The following ADGRL3 variants were observed in gnomAD, a reference collection of about 807,000 sequenced individuals.
ADGRL3 encodes the protein adhesion G protein-coupled receptor L3.
ADGRL3 carries 62 observed loss-of-function variants against 153.5 expected under a neutral mutation model. The ratio of observed to expected loss-of-function variants is 0.40; its 90% CI spans 0.33 to 0.50. ADGRL3 has a LOEUF of 0.50. Among genes scored for constraint, ADGRL3 ranks in the 20% least tolerant of loss-of-function variants. The pLI is 0.47. For synonymous variants in ADGRL3, 710 were observed against 672.5 expected (o/e 1.06, Z -0.86); for missense variants, 1,641 against 1,859.4 (o/e 0.88, Z 2.16).
intron 9 of ADGRL3, among the ~76,000 whole-genome samples, chr4:61,834,104 CT>C (rs1189777668): frequency 1.4e-5 from 2 of 141,508 alleles, no homozygotes; most frequent in Non-Finnish European, 3.1e-5. Flanking sequence ...TCCCTCCCCC[CT>C]CCCCCCTTCC....
chr4:61,565,699 A>G (rs971623952), intron 4 of ADGRL3, among the ~76,000 whole-genome samples: 5 of 151,900 alleles, frequency 3.3e-5, no homozygotes, highest in Admixed American at 2.0e-4. Context: ...CACCACACCC[A>G]GCTAATTTTT....
intron 21 of ADGRL3, among the ~76,000 whole-genome samples, chr4:62,019,512 A>G (rs1180079332): frequency 1.3e-5 from 2 of 152,026 alleles, no homozygotes. Context: ...TAAAATTTGA[A>G]TTATTATTTT....
At chr4:62,056,647 CAAAATTAAGGTCTG>C (rs1428550312) in intron 25 of ADGRL3, among the ~76,000 whole-genome samples, 1 of 151,686 alleles carries the variant, frequency 6.6e-6, no homozygotes, top group African/African-American at 2.4e-5. Context: ...CACTGTGGGC[CAAAATTAAGGTCTG>C]AAAACAAAAA....
At chr4:62,030,979 T>C (rs369500429) in intron 22 of ADGRL3, among the ~76,000 whole-genome samples, 2 of 151,540 alleles carry the variant, frequency 1.3e-5, no homozygotes, top group South Asian at 4.1e-4. Context: ...TTTTTGTCAG[T>C]AAACAATAAA....
chr4:61,383,805 A>G (rs1211016373), intron 2 of ADGRL3, among the ~76,000 whole-genome samples: 1 of 151,940 alleles, frequency 6.6e-6, no homozygotes, highest in East Asian at 1.9e-4. Context: ...GTCAATATCC[A>G]TATTTACATC....
In ADGRL3 at chr4:61,449,714, TA is replaced by T. The variant is rs146247219; in HGVS notation, c.-173-47406del. Among the ~76,000 whole-genome samples, 1,331 of 152,258 alleles carry T rather than the reference TA, an allele frequency of 8.7e-3. 29 individuals are homozygous for T. Among genetic ancestry groups the T allele is most frequent in the African/African-American group, 0.03 (1,256 of 41,564 alleles). ...ACACAGGAAGCTATTATTTAGATAA[TA>T]GGAACATCTCATTCTTTAGGTAAAG... is the stretch of plus-strand genomic sequence containing the variant. On this transcript the variant is annotated intron_variant, in intron 2 of 26. Coordinates refer to ENST00000683033, the MANE Select transcript of ADGRL3 (RefSeq NM_001387552.1).
chr4:61,301,021 C>T (rs567225225), intron 1 of ADGRL3, among the ~76,000 whole-genome samples: 3 of 152,074 alleles, frequency 2.0e-5, no homozygotes, highest in Admixed American at 1.3e-4. Flanking sequence ...CCTCGGGCTC[C>T]GGAAGTGCTG....
At chr4:62,022,159 C>T (rs77817385) in intron 21 of ADGRL3, among the ~76,000 whole-genome samples, 3 of 152,092 alleles carry the variant, frequency 2.0e-5, no homozygotes, top group Non-Finnish European at 4.4e-5. Context: ...AGCAAAATAG[C>T]CTTATTGCCT....
At chr4:61,722,651 A>T (rs955819576) in intron 6 of ADGRL3, among the ~76,000 whole-genome samples, 3 of 152,208 alleles carry the variant, frequency 2.0e-5, no homozygotes, top group Admixed American at 1.3e-4. Context: ...TTAGAAATTG[A>T]CATGTAGAAA....
intron 3 of ADGRL3, among the ~76,000 whole-genome samples, chr4:61,503,576 G>A (rs1314937298): frequency 6.6e-6 from 1 of 151,766 alleles, no homozygotes; most frequent in Admixed American, 6.6e-5. Context: ...CAAATTATAA[G>A]CATTCTTCAT....
intron 1 of ADGRL3, among the ~76,000 whole-genome samples, chr4:61,243,527 A>G (rs577479838): frequency 6.6e-6 from 1 of 152,134 alleles, no homozygotes; most frequent in East Asian, 1.9e-4. Context: ...AGGTTTCTGC[A>G]TGAGAGAGAG....
At chr4:61,487,647 A>T (rs1006411885) in intron 2 of ADGRL3, among the ~76,000 whole-genome samples, 4 of 152,070 alleles carry the variant, frequency 2.6e-5, no homozygotes, top group African/African-American at 9.7e-5. Flanking sequence ...ATCCTTGATT[A>T]TTGTCTTAAA....
chr4:61,317,405 T>A (rs906091358), intron 1 of ADGRL3, among the ~76,000 whole-genome samples: 5 of 152,170 alleles, frequency 3.3e-5, no homozygotes, highest in African/African-American at 4.8e-5. Context: ...ATCAATAGGA[T>A]CTTTACAAAC....
At chr4:61,767,784 C>G (rs903713658) in intron 8 of ADGRL3, among the ~76,000 whole-genome samples, 2 of 152,086 alleles carry the variant, frequency 1.3e-5, no homozygotes, top group African/African-American at 2.4e-5. Context: ...TCTGGAGGAA[C>G]GCCTGGCTGC....
chr4:61,397,010 T>C (rs1199832582), intron 2 of ADGRL3, among the ~76,000 whole-genome samples: 2 of 151,214 alleles, frequency 1.3e-5, no homozygotes, highest in Non-Finnish European at 3.0e-5. Context: ...AAAATAAAGG[T>C]TTATATTTTA....
intron 1 of ADGRL3, among the ~76,000 whole-genome samples, chr4:61,325,351 G>A (rs184372421): frequency 6.6e-6 from 1 of 152,174 alleles, no homozygotes; most frequent in African/African-American, 2.4e-5. Context: ...AAAATAGCAT[G>A]TAGACAATTT....
intron 4 of ADGRL3, among the ~76,000 whole-genome samples, chr4:61,529,938 A>ATGTGGCTTTAAAAATATTT (rs1358222183): frequency 6.6e-6 from 1 of 152,180 alleles, no homozygotes; most frequent in East Asian, 1.9e-4. Flanking sequence ...AAATCACTAC[A>ATGTGGCTTTAAAAATATTT]TGTGGCTTTA....
intron 8 of ADGRL3, among the ~76,000 whole-genome samples, chr4:61,762,552 C>T (rs1410382082): frequency 6.6e-6 from 1 of 151,950 alleles, no homozygotes; most frequent in Admixed American, 6.6e-5. Flanking sequence ...TACTATGAAA[C>T]AATACTTATT....
intron 1 of ADGRL3, among the ~76,000 whole-genome samples, chr4:61,203,307 G>T (rs1303064751): frequency 3.9e-5 from 6 of 152,194 alleles, no homozygotes; most frequent in Admixed American, 3.9e-4. Context: ...TCCTCCCTGT[G>T]TCTGCGTGTG....
Sources: gnomAD v4.1 joint callset for allele counts (sites outside exome capture counted in the v4.1 genomes callset) on GRCh38, gnomAD v4.1.1 for gene constraint, MANE v1.5 for transcripts, NCBI Gene and HGNC (gene_info 2026-07-23, HGNC 2026-07-21) for gene names.